The following SRPX2 variants were observed in gnomAD, a reference collection of about 807,000 sequenced individuals.
The protein encoded by SRPX2 is sushi repeat containing protein X-linked 2.
A neutral mutation model predicts 45.3 loss-of-function variants in SRPX2; 26 were observed. That is an observed-to-expected ratio of 0.57 (90% CI 0.42 to 0.80). SRPX2 has a LOEUF of 0.80. Among genes scored for constraint, SRPX2 ranks in the 30% least tolerant of loss-of-function variants. SRPX2 has a pLI of 0.00. For synonymous variants in SRPX2, 125 were observed against 143.7 expected (o/e 0.87, Z 0.93); for missense variants, 355 against 399.8 (o/e 0.89, Z 0.95).
At chrX:100,656,786 G>C (rs2083170436) in intron 3 of SRPX2, among the ~76,000 whole-genome samples, 1 of 112,054 alleles carries the variant, frequency 8.9e-6, no homozygotes, top group Admixed American at 9.4e-5. Flanking sequence ...ACACACGAAT[G>C]CAGATCCCTT....
chrX:100,661,202 G>A (rs2083186095), intron 3 of SRPX2, among the ~76,000 whole-genome samples: 1 of 111,812 alleles, frequency 8.9e-6, no homozygotes, highest in Non-Finnish European at 1.9e-5. Context: ...GGATATATAA[G>A]TAGTATCTCA....
At chrX:100,660,848 A>C (rs940553757) in intron 3 of SRPX2, 2 of 111,095 alleles carry the variant, frequency 1.8e-5, no homozygotes, top group African/African-American at 6.5e-5. Flanking sequence ...TCTCAAAAAA[A>C]AAAAAAGAAA....
intron 10 of SRPX2, among the ~76,000 whole-genome samples, chrX:100,670,150 G>A (rs992375959): frequency 8.9e-6 from 1 of 111,781 alleles, no homozygotes; most frequent in Non-Finnish European, 1.9e-5. Context: ...GGTGACAGGT[G>A]ATGGAAGAAG....
At chrX:100,668,348 A>G (rs1295362842) in intron 9 of SRPX2, among the ~76,000 whole-genome samples, 20 of 107,181 alleles carry the variant, frequency 1.9e-4, no homozygotes, top group Admixed American at 1.3e-3. Flanking sequence ...AAAAAGAAAA[A>G]AAAAAAAAAA....
In SRPX2 at chrX:100,675,222, G is replaced by A. The variant is rs2083257524; in HGVS notation, c.*4235G>A. 8.9e-6 allele frequency: 1 copy of A among 112,896 alleles called. No individual in the cohort carries two copies. The highest frequency in any genetic ancestry group is 3.7e-4 in the South Asian group (1 of 2,704). 9.3% of individuals were successfully genotyped at this position (112,896 alleles called of 1,213,427 possible). ...AAATGCAGAAAATTCAGCATGGGCT[G>A]TGAGACACTTTACCCTCAGTCACTC... On this transcript the variant is annotated 3_prime_UTR_variant, in exon 11 of 11. Transcript: ENST00000373004.
Position 100,671,236 on chromosome X carries a change from A to AC in SRPX2, c.*252dup. On this transcript the variant is annotated 3_prime_UTR_variant, in exon 11 of 11. Coordinates refer to ENST00000373004, the MANE Select transcript of SRPX2 (RefSeq NM_014467.3). ...GGGGGTAGAAGTTCTTCCTTTCCTA[A>AC]CCCGGGCCCCTGCCCAGCTCTCCAA... The AC allele has an allele frequency of 4.8e-6, 2 of 415,038 alleles. No homozygotes were observed. Among genetic ancestry groups the AC allele is most frequent in the South Asian group, 7.0e-5 (2 of 28,547 alleles). 34.2% of individuals were successfully genotyped at this position (415,038 alleles called of 1,213,427 possible).
At chrX:100,665,722 G>A in intron 7 of SRPX2, 65 bp downstream of exon 7, 2 of 1,197,872 alleles carry the variant, frequency 1.7e-6, no homozygotes, top group Non-Finnish European at 1.1e-6. Context: ...CCCACCCCAT[G>A]TCTCTCCTCT....
chrX:100,662,129 T>C (rs756187188), intron 3 of SRPX2, 47 bp from the exon 4 acceptor site: 21 of 1,176,414 alleles, frequency 1.8e-5, no homozygotes, highest in Non-Finnish European at 2.3e-5. Context: ...AACACCACAC[T>C]GTCTTGATTA....
rs1355602309 is a variant in SRPX2 at position 100,674,532 on chromosome X, CAG to C, written c.*3546_*3547del. On this transcript the variant is annotated 3_prime_UTR_variant, in exon 11 of 11. Coordinates refer to ENST00000373004, the MANE Select transcript of SRPX2 (RefSeq NM_014467.3). ...GCTTTATTAAAGCACACATACATGT[CAG>C]GGGGGTGGGAAACAAAAGAGCAAGT... The C allele has an allele frequency of 8.9e-6, 1 of 112,239 alleles. No homozygotes were observed. The highest frequency in any genetic ancestry group is 2.8e-4 in the East Asian group (1 of 3,560). The allele number at this position is 112,239 out of a possible 1,213,427, so 9.2% of individuals were successfully genotyped here.
chrX:100,649,493 A>G (rs1476279401), intron 2 of SRPX2: 1 of 110,892 alleles, frequency 9.0e-6, no homozygotes, highest in East Asian at 2.8e-4. Context: ...AAAAAAAGAA[A>G]AAGGGGAAAA....
At chrX:100,668,054 G>A (rs1447546130) in intron 9 of SRPX2, among the ~76,000 whole-genome samples, 1 of 111,371 alleles carries the variant, frequency 9.0e-6, no homozygotes, top group Non-Finnish European at 1.9e-5. Flanking sequence ...GAGTTGCATG[G>A]CAGTTTTTAA....
intron 3 of SRPX2, among the ~76,000 whole-genome samples, chrX:100,653,991 G>A (rs773273558): frequency 1.8e-5 from 2 of 112,356 alleles, no homozygotes; most frequent in South Asian, 7.4e-4. Flanking sequence ...GGAATCATGT[G>A]TGTTACTCTC....
At chrX:100,652,795 G>A (rs928814326) in intron 3 of SRPX2, among the ~76,000 whole-genome samples, 5 of 111,337 alleles carry the variant, frequency 4.5e-5, no homozygotes, top group Non-Finnish European at 3.8e-5. Flanking sequence ...CATCTTTGTA[G>A]CTACCTTCTA....
chrX:100,665,987 C>T (rs755944620), intron 7 of SRPX2, among the ~76,000 whole-genome samples: 9 of 112,158 alleles, frequency 8.0e-5, no homozygotes, highest in African/African-American at 2.6e-4. Flanking sequence ...TGTCGTTCAC[C>T]TCTGATAAAA....
intron 3 of SRPX2, chrX:100,660,988 C>T (rs1180611950): frequency 1.8e-5 from 2 of 112,529 alleles, no homozygotes; most frequent in Admixed American, 9.3e-5. Flanking sequence ...GCATAAATAC[C>T]TTTAAGTGGG....
chrX:100,646,774 G>T (rs1285084747), intron 2 of SRPX2, among the ~76,000 whole-genome samples: 1 of 111,408 alleles, frequency 9.0e-6, no homozygotes, highest in Non-Finnish European at 1.9e-5. Flanking sequence ...AAATACTCTT[G>T]TCAAGACCAC....
chrX:100,664,055 G>A (rs940282205), intron 4 of SRPX2, among the ~76,000 whole-genome samples: 3 of 111,637 alleles, frequency 2.7e-5, no homozygotes, highest in African/African-American at 6.5e-5. Flanking sequence ...GGCCCTAAAT[G>A]AGCCCAGAGG....
At chrX:100,667,000 A>G in intron 8 of SRPX2, 67 bp downstream of exon 8, 1 of 1,152,868 alleles carries the variant, frequency 8.7e-7, no homozygotes, top group Non-Finnish European at 1.2e-6. Context: ...GATCTTCCTC[A>G]TGGACAGGGG....
At chrX:100,650,587 A>G (rs2147640468) in intron 2 of SRPX2, among the ~76,000 whole-genome samples, 198 bp from the exon 3 acceptor site, 1 of 111,346 alleles carries the variant, frequency 9.0e-6, no homozygotes, top group Admixed American at 9.5e-5. Flanking sequence ...CCTCTATGCA[A>G]CTGAGGTGCT....
Sources: allele counts gnomAD v4.1 joint callset (sites outside exome capture counted in the v4.1 genomes callset), GRCh38; gene constraint gnomAD v4.1.1; transcripts MANE v1.5; gene names NCBI Gene and HGNC (gene_info 2026-07-23, HGNC 2026-07-21).